The following ITGA9 variants were observed in gnomAD, a reference collection of about 807,000 sequenced individuals.
The protein encoded by ITGA9 is integrin subunit alpha 9.
Under a neutral mutation model 127.8 loss-of-function variants are expected in ITGA9, and 56 were observed. The ratio of observed to expected loss-of-function variants is 0.44; its 90% CI spans 0.35 to 0.55. The LOEUF (loss-of-function observed/expected upper bound fraction) is 0.55, where lower values mean the gene tolerates loss of function less well. ITGA9 is among the 20% of genes least tolerant of loss of function. ITGA9 has a pLI of 0.00. For synonymous variants in ITGA9, 508 were observed against 514.5 expected (o/e 0.99, Z 0.17); for missense variants, 1,196 against 1,347.1 (o/e 0.89, Z 1.76).
chr3:37,672,230 C>T (rs1005185395), intron 17 of ITGA9, among the ~76,000 whole-genome samples: 1 of 151,540 alleles, frequency 6.6e-6, no homozygotes, highest in Non-Finnish European at 1.5e-5. Flanking sequence ...ACCTAAATCT[C>T]GTCTTGAATT....
intron 17 of ITGA9, among the ~76,000 whole-genome samples, chr3:37,655,028 T>C (rs945696356): frequency 2.0e-5 from 3 of 152,216 alleles, no homozygotes; most frequent in African/African-American, 7.2e-5. Flanking sequence ...GAACTCATCC[T>C]TTTTTATGGC....
chr3:37,507,205 A>C (rs1559522922), intron 7 of ITGA9, among the ~76,000 whole-genome samples: 1 of 152,138 alleles, frequency 6.6e-6, no homozygotes, highest in African/African-American at 2.4e-5. Context: ...ACCTTCGATC[A>C]CCTCAAGAAA....
At chr3:37,508,798 A>T (rs1698871710) in intron 8 of ITGA9, among the ~76,000 whole-genome samples, 171 bp downstream of exon 8, 1 of 152,120 alleles carries the variant, frequency 6.6e-6, no homozygotes, top group Non-Finnish European at 1.5e-5. Context: ...TAATCTGTAC[A>T]TTCATGGGAT....
chr3:37,601,097 C>A (rs1317393171), intron 15 of ITGA9, among the ~76,000 whole-genome samples: 1 of 152,180 alleles, frequency 6.6e-6, no homozygotes, highest in East Asian at 1.9e-4. Context: ...CTTCCCCACC[C>A]CAGTCCTTTA....
intron 26 of ITGA9, among the ~76,000 whole-genome samples, chr3:37,801,136 G>C: frequency 6.6e-6 from 1 of 151,860 alleles, no homozygotes; most frequent in South Asian, 2.1e-4. Flanking sequence ...CCGCACTGCA[G>C]CCTGAGCAAC....
chr3:37,562,072 A>G (rs1253086899), intron 15 of ITGA9, among the ~76,000 whole-genome samples: 1 of 152,124 alleles, frequency 6.6e-6, no homozygotes, highest in African/African-American at 2.4e-5. Context: ...GTCTCCTCCT[A>G]TTCTCAGAGC....
intron 27 of ITGA9, among the ~76,000 whole-genome samples, chr3:37,804,855 A>C (rs1161414128): frequency 6.6e-6 from 1 of 152,246 alleles, no homozygotes; most frequent in Non-Finnish European, 1.5e-5. Flanking sequence ...TTACCAAAAA[A>C]AGTTGTAAAA....
intron 1 of ITGA9, among the ~76,000 whole-genome samples, chr3:37,468,869 G>A (rs981552295): frequency 3.3e-5 from 5 of 152,144 alleles, no homozygotes; most frequent in African/African-American, 7.2e-5. Flanking sequence ...AAGGAACAAC[G>A]CCTGTTCTCA....
intron 13 of ITGA9, 128 bp downstream of exon 13, chr3:37,526,199 C>A: frequency 1.2e-6 from 1 of 814,584 alleles, no homozygotes; most frequent in East Asian, 2.5e-5. Flanking sequence ...AGTGGAAATG[C>A]TACCTTATTT....
chr3:37,499,788 C>T (rs944055014), intron 5 of ITGA9, among the ~76,000 whole-genome samples: 1 of 152,070 alleles, frequency 6.6e-6, no homozygotes, highest in African/African-American at 2.4e-5. Context: ...AAAACAAGAG[C>T]TGTTGGTTTT....
chr3:37,754,201 T>C (rs763708399), intron 23 of ITGA9: 2 of 152,218 alleles, frequency 1.3e-5, no homozygotes, highest in Non-Finnish European at 2.9e-5. Context: ...GTAGTGGTCT[T>C]TCCAAAGTTA....
chr3:37,463,130 T>C (rs1165813865), intron 1 of ITGA9, among the ~76,000 whole-genome samples: 1 of 152,210 alleles, frequency 6.6e-6, no homozygotes, highest in Non-Finnish European at 1.5e-5. Context: ...AGTTGTCAGC[T>C]GCATAGTTGG....
chr3:37,606,677 G>A (rs1699971587), intron 15 of ITGA9, among the ~76,000 whole-genome samples: 1 of 152,168 alleles, frequency 6.6e-6, no homozygotes, highest in African/African-American at 2.4e-5. Flanking sequence ...TTTCACCGCT[G>A]TCCTCGGTAT....
intron 18 of ITGA9, among the ~76,000 whole-genome samples, chr3:37,698,180 T>C (rs1182176024): frequency 1.3e-5 from 2 of 152,192 alleles, no homozygotes; most frequent in Admixed American, 6.5e-5. Context: ...TTGGATGGCA[T>C]TGTTTGTTTT....
intron 26 of ITGA9, among the ~76,000 whole-genome samples, chr3:37,798,095 A>G (rs1697195968): frequency 6.6e-6 from 1 of 152,114 alleles, no homozygotes; most frequent in Non-Finnish European, 1.5e-5. Flanking sequence ...TGCTCAAATG[A>G]TCCTCCTGCC....
At chr3:37,490,138 CA>C (rs1414448244) in intron 4 of ITGA9, among the ~76,000 whole-genome samples, 2 of 152,148 alleles carry the variant, frequency 1.3e-5, no homozygotes, top group East Asian at 3.9e-4. Context: ...AGCAAGTGAC[CA>C]GGGGTGACTC....
At chr3:37,538,721 A>G (rs1441364710) in intron 14 of ITGA9, among the ~76,000 whole-genome samples, 3 of 152,188 alleles carry the variant, frequency 2.0e-5, no homozygotes, top group Admixed American at 2.0e-4. Context: ...AGTTCCGCTC[A>G]GGGCTTTGGA....
At chr3:37,489,719 G>T in intron 4 of ITGA9, among the ~76,000 whole-genome samples, 1 of 129,622 alleles carries the variant, frequency 7.7e-6, no homozygotes, top group African/African-American at 2.9e-5. Context: ...TACTAGAGCT[G>T]TGTCTGCCCA....
At chr3:37,681,265 T>C (rs1700731907) in intron 17 of ITGA9, among the ~76,000 whole-genome samples, 2 of 152,138 alleles carry the variant, frequency 1.3e-5, no homozygotes, top group Admixed American at 1.3e-4. Context: ...ACAAGAAGGC[T>C]GGGGAACCAA....
Sources: gnomAD v4.1 joint callset for allele counts (sites outside exome capture counted in the v4.1 genomes callset) on GRCh38, gnomAD v4.1.1 for gene constraint, MANE v1.5 for transcripts, NCBI Gene and HGNC (gene_info 2026-07-23, HGNC 2026-07-21) for gene names.